SH3RF3: variants seen among roughly 807,000 people sequenced by gnomAD.
SH3RF3 encodes the protein E3 ubiquitin-protein ligase SH3RF3.
SH3RF3 carries 29 observed loss-of-function variants against 66.3 expected under a neutral mutation model. That is an observed-to-expected ratio of 0.44 (90% confidence interval 0.33 to 0.60). The LOEUF (loss-of-function observed/expected upper bound fraction) is 0.60, where lower values mean the gene tolerates loss of function less well. Among genes scored for constraint, SH3RF3 ranks in the 20% least tolerant of loss-of-function variants. SH3RF3 has a pLI of 0.04. For synonymous variants in SH3RF3, 583 were observed against 532.0 expected (o/e 1.10, Z -1.32); for missense variants, 1,194 against 1,190.9 (o/e 1.00, Z -0.04).
At chr2:109,164,460 A>G (rs916592679) in intron 1 of SH3RF3, among the ~76,000 whole-genome samples, 1 of 152,208 alleles carries the variant, frequency 6.6e-6, no homozygotes, top group African/African-American at 2.4e-5. Context: ...CTGGGACTAC[A>G]GCTGTGAGCC....
At chr2:109,289,326 T>C (rs567341977) in intron 1 of SH3RF3, among the ~76,000 whole-genome samples, 20 of 151,684 alleles carry the variant, frequency 1.3e-4, no homozygotes, top group Non-Finnish European at 2.4e-4. Flanking sequence ...TCACATCCCA[T>C]GCTCCCACAC....
At chr2:109,295,106 T>C (rs1326275344) in intron 1 of SH3RF3, among the ~76,000 whole-genome samples, 1 of 152,174 alleles carries the variant, frequency 6.6e-6, no homozygotes, top group East Asian at 1.9e-4. Context: ...AGACTTAGAG[T>C]ATCTCATCCA....
intron 1 of SH3RF3, among the ~76,000 whole-genome samples, chr2:109,207,755 G>A (rs752573143): frequency 1.3e-5 from 2 of 152,090 alleles, no homozygotes; most frequent in African/African-American, 2.4e-5. Flanking sequence ...GTTGTAAATT[G>A]CTAAAATCAA....
chr2:109,181,365 C>T lies in SH3RF3; in HGVS notation c.573+51252C>T, dbSNP rs191548757. 6.0e-4 allele frequency among the ~76,000 whole-genome samples: 91 copies of T among 152,250 alleles called. 1 individual carries two copies. The East Asian group carries it at 0.015, about 25-fold the overall frequency. On this transcript the variant is annotated intron_variant, in intron 1 of 9. Coordinates refer to ENST00000309415, the MANE Select transcript of SH3RF3 (RefSeq NM_001099289.3). ...ACTGTTCACTAAATTACAGGTTTTA[C>T]CAGGGTTTCAGCAGTCTTGCCACTC...
intron 1 of SH3RF3, among the ~76,000 whole-genome samples, chr2:109,168,707 T>A (rs1677687807): frequency 6.6e-6 from 1 of 152,210 alleles, no homozygotes; most frequent in Non-Finnish European, 1.5e-5. Context: ...TCTGTTGTGA[T>A]GCCTTCTGGC....
At chr2:109,241,338 G>T (rs1381031863) in intron 1 of SH3RF3, among the ~76,000 whole-genome samples, 1 of 152,050 alleles carries the variant, frequency 6.6e-6, no homozygotes, top group Non-Finnish European at 1.5e-5. Flanking sequence ...CATTTGAAGT[G>T]GAAAAAAAGT....
At chr2:109,234,586 G>A (rs573057429) in intron 1 of SH3RF3, among the ~76,000 whole-genome samples, 73 of 152,346 alleles carry the variant, frequency 4.8e-4, no homozygotes, top group African/African-American at 1.7e-3. Context: ...CTCGTTGACA[G>A]CTGTTTAAAA....
chr2:109,465,827 C>T (rs1678326821), intron 8 of SH3RF3, among the ~76,000 whole-genome samples: 1 of 151,926 alleles, frequency 6.6e-6, no homozygotes, highest in African/African-American at 2.4e-5. Flanking sequence ...AATCAGGTCT[C>T]ATGAGAACTC....
Position 109,479,798 on chromosome 2 carries a change from C to T in SH3RF3, c.2149-10807C>T, listed in dbSNP as rs1158645099. ...CTTAACTTTGCAATTCTACGGGTTT[C>T]GCAGACCCCCAAAACCATCCACAGA... is the stretch of plus-strand genomic sequence containing the variant. On this transcript the variant is annotated intron_variant, in intron 8 of 9. Transcript: ENST00000309415. 2.6e-5 allele frequency among the ~76,000 whole-genome samples: 4 copies of T among 152,198 alleles called. No individual in the cohort carries two copies. In the East Asian group the frequency reaches 5.8e-4, roughly 22 times the overall value.
chr2:109,454,939 C>G (rs971433312), intron 8 of SH3RF3, among the ~76,000 whole-genome samples: 2 of 151,992 alleles, frequency 1.3e-5, no homozygotes, highest in African/African-American at 4.8e-5. Context: ...AAAAAGTTAA[C>G]TCTCTCTTTA....
chr2:109,486,283 T>C (rs1206631091), intron 8 of SH3RF3, among the ~76,000 whole-genome samples: 2 of 152,178 alleles, frequency 1.3e-5, no homozygotes, highest in Non-Finnish European at 2.9e-5. Context: ...AGCAAAATCT[T>C]TGGGGGTGGG....
chr2:109,234,050 C>G (rs1331550640), intron 1 of SH3RF3, among the ~76,000 whole-genome samples: 1 of 152,166 alleles, frequency 6.6e-6, no homozygotes, highest in African/African-American at 2.4e-5. Context: ...GTTTCCATTT[C>G]TCTTGGATAA....
intron 1 of SH3RF3, among the ~76,000 whole-genome samples, chr2:109,209,892 A>G (rs915656180): frequency 3.3e-5 from 5 of 152,160 alleles, no homozygotes; most frequent in Non-Finnish European, 2.9e-5. Context: ...GGCATTAAGT[A>G]CGTCCCCCCT....
At chr2:109,165,919 G>A (rs1445649876) in intron 1 of SH3RF3, among the ~76,000 whole-genome samples, 14 of 152,194 alleles carry the variant, frequency 9.2e-5, no homozygotes, top group Admixed American at 9.2e-4. Context: ...GACATGGGTG[G>A]TCACTAGTTT....
intron 1 of SH3RF3, among the ~76,000 whole-genome samples, chr2:109,212,069 G>A (rs767544743): frequency 3.2e-4 from 49 of 152,354 alleles, no homozygotes; most frequent in South Asian, 6.2e-4. Context: ...GGGAGATAGC[G>A]AAACTTGGAA....
chr2:109,204,964 C>T (rs1558957309), intron 1 of SH3RF3, among the ~76,000 whole-genome samples: 2 of 152,100 alleles, frequency 1.3e-5, no homozygotes, highest in Non-Finnish European at 1.5e-5. Flanking sequence ...TCCTTGTGCT[C>T]CAGGAGGCTG....
At position 109,437,097 on chromosome 2, in the gene SH3RF3, G is replaced by A. The variant is rs761442035; in HGVS notation, c.1779G>A (p.Arg593=). Reference sequence around the variant, plus strand: ...CGCCCCCAACAGGCAGCTGTCTACGGCACTCAGCCCAGCCAACGGCCAGCC... The same window carrying A: ...CGCCCCCAACAGGCAGCTGTCTACGACACTCAGCCCAGCCAACGGCCAGCC... ...TASPPTGSCL[R]HSAQPTASQA... Residue 593 remains arginine (R), a synonymous_variant, in exon 7 of 10, where the codon CGG becomes CGA. Coordinates refer to ENST00000309415, the MANE Select transcript of SH3RF3 (RefSeq NM_001099289.3). 4 of 1,613,218 alleles carry A rather than the reference G, an allele frequency of 2.5e-6. No homozygotes were observed. The highest frequency in any genetic ancestry group is 2.5e-6 in the Non-Finnish European group (3 of 1,179,672).
At chr2:109,249,223 G>T (rs561226743) in intron 1 of SH3RF3, among the ~76,000 whole-genome samples, 1 of 152,220 alleles carries the variant, frequency 6.6e-6, no homozygotes, top group African/African-American at 2.4e-5. Flanking sequence ...ACTCCCCCCC[G>T]ACTCCTACCC....
chr2:109,162,887 C>A (rs200713004), intron 1 of SH3RF3, among the ~76,000 whole-genome samples: 2 of 141,684 alleles, frequency 1.4e-5, no homozygotes, highest in South Asian at 2.3e-4. Flanking sequence ...ACCAAAAAAA[C>A]CACCTCTTGG....
Sources: allele counts gnomAD v4.1 joint callset (sites outside exome capture counted in the v4.1 genomes callset), GRCh38; gene constraint gnomAD v4.1.1; transcripts MANE v1.5; gene names NCBI Gene and HGNC (gene_info 2026-07-23, HGNC 2026-07-21).